The following C14orf93 variants were observed in gnomAD, a reference collection of about 807,000 sequenced individuals.
C14orf93 encodes chromosome 14 open reading frame 93, also known as uncharacterized protein C14orf93.
In C14orf93, 23 loss-of-function variants were observed where a neutral mutation model predicts 44.0. The observed-to-expected ratio is 0.52, with a 90% CI of 0.38 to 0.74. C14orf93 has a LOEUF of 0.74. Among genes scored for constraint, C14orf93 ranks in the 30% least tolerant of loss-of-function variants. The pLI is 0.00. For synonymous variants in C14orf93, 253 were observed against 265.7 expected (o/e 0.95, Z 0.46); for missense variants, 579 against 678.9 (o/e 0.85, Z 1.64).
At position 22,986,704 on chromosome 14, in the gene C14orf93, G is replaced by C. The variant is rs1389158168; in HGVS notation, c.*511C>G. 1 of 158,488 alleles carries C rather than the reference G, an allele frequency of 6.3e-6. No individual in the cohort carries two copies. The highest frequency in any genetic ancestry group is 1.4e-5 in the Non-Finnish European group (1 of 71,330). The allele number at this position is 158,488 out of a possible 1,614,324, so 9.8% of individuals were successfully genotyped here. ...ATTCCCCAATAGTGATAGAACTTGT[G>C]TTCCCTTGGTCAGAAGACTCAAGCT... On this transcript the variant is annotated 3_prime_UTR_variant, in exon 7 of 7. Coordinates refer to ENST00000299088, the MANE Select transcript of C14orf93 (RefSeq NM_021944.4).
At chr14:22,992,478 A>G (rs902852869) in intron 3 of C14orf93, among the ~76,000 whole-genome samples, 16 of 151,288 alleles carry the variant, frequency 1.1e-4, no homozygotes, top group East Asian at 3.9e-4. Flanking sequence ...AAAAAAAAAA[A>G]AAAGAAAGAA....
At chr14:23,001,612 G>A (rs1308999277) in intron 1 of C14orf93, among the ~76,000 whole-genome samples, 3 of 151,880 alleles carry the variant, frequency 2.0e-5, no homozygotes, top group South Asian at 2.1e-4. Context: ...TCACAGACAC[G>A]TGCCACCACA....
intron 1 of C14orf93, among the ~76,000 whole-genome samples, chr14:23,004,764 C>A (rs2046543327): frequency 6.6e-6 from 1 of 151,714 alleles, no homozygotes; most frequent in South Asian, 2.1e-4. Flanking sequence ...ACTAAAAATA[C>A]AAAATTAGCT....
chr14:23,002,682 T>C (rs1442440767), intron 1 of C14orf93: 1 of 152,122 alleles, frequency 6.6e-6, no homozygotes, highest in African/African-American at 2.4e-5. Context: ...TCCTGTAACA[T>C]TTTGTGTTCC....
chr14:22,993,172 A>G (rs1294799183), intron 3 of C14orf93, among the ~76,000 whole-genome samples: 1 of 152,144 alleles, frequency 6.6e-6, no homozygotes, highest in Non-Finnish European at 1.5e-5. Flanking sequence ...GAGCCACCGC[A>G]CCCGGCCCTA....
chr14:22,998,297 G>A lies in C14orf93; in HGVS notation c.597+130C>T, dbSNP rs192133098. 2,558 of 1,247,796 alleles carry A rather than the reference G, an allele frequency of 2.1e-3. 6 individuals are homozygous for A. The highest frequency in any genetic ancestry group is 2.4e-3 in the Non-Finnish European group (2,296 of 938,170). The allele number at this position is 1,247,796 out of a possible 1,614,324, so 77.3% of individuals were successfully genotyped here. ...GACTATCCCTGAAGGAAAAGGAAACGTGGTACTGTTTTGCTTTATCACAAA... is the reference window on the plus strand; with the variant it reads ...GACTATCCCTGAAGGAAAAGGAAACATGGTACTGTTTTGCTTTATCACAAA... On this transcript the variant is annotated intron_variant, in intron 2 of 6. Coordinates refer to ENST00000299088, the MANE Select transcript of C14orf93 (RefSeq NM_021944.4).
intron 3 of C14orf93, among the ~76,000 whole-genome samples, chr14:22,994,599 A>T (rs2045859888): frequency 6.6e-6 from 1 of 151,864 alleles, no homozygotes; most frequent in African/African-American, 2.4e-5. Context: ...ATGGTGGTGC[A>T]TGCCTGTAAT....
At chr14:22,993,661 A>G (rs984367548) in intron 3 of C14orf93, 1 of 152,242 alleles carries the variant, frequency 6.6e-6, no homozygotes, top group Non-Finnish European at 1.5e-5. Flanking sequence ...ATGGAAAGGG[A>G]AAATACTCTA....
chr14:22,993,535 G>A (rs2045787970), intron 3 of C14orf93, among the ~76,000 whole-genome samples: 1 of 152,012 alleles, frequency 6.6e-6, no homozygotes, highest in African/African-American at 2.4e-5. Context: ...AAAGTATTTG[G>A]GAGAGTTTCA....
At chr14:23,009,854 A>G (rs567320300) in intron 1 of C14orf93, among the ~76,000 whole-genome samples, 1 of 152,264 alleles carries the variant, frequency 6.6e-6, no homozygotes, top group African/African-American at 2.4e-5. Context: ...TTTAAAAAAA[A>G]GAAAAAAAAA....
At chr14:22,988,532 G>C (rs1428918150) in intron 5 of C14orf93, among the ~76,000 whole-genome samples, 1 of 152,002 alleles carries the variant, frequency 6.6e-6, no homozygotes, top group South Asian at 2.1e-4. Flanking sequence ...ACAGGGTCTC[G>C]CTCTGTCACC....
At chr14:23,001,661 C>T (rs1417236062) in intron 1 of C14orf93, among the ~76,000 whole-genome samples, 2 of 151,436 alleles carry the variant, frequency 1.3e-5, no homozygotes, top group African/African-American at 2.4e-5. Flanking sequence ...GACAGGGTTT[C>T]GCGCTGTTGG....
At chr14:22,990,592 C>T (rs1250840839) in intron 3 of C14orf93, among the ~76,000 whole-genome samples, 2 of 151,492 alleles carry the variant, frequency 1.3e-5, no homozygotes, top group East Asian at 3.9e-4. Context: ...GCCTCAGCCT[C>T]TCGAGTAGCT....
chr14:22,998,367 A>G (rs2046115874), intron 2 of C14orf93, 60 bp downstream of exon 2: 1 of 1,441,790 alleles, frequency 6.9e-7, no homozygotes, highest in South Asian at 1.5e-5. Context: ...ACAGAAAGGA[A>G]AAAGAGTGAA....
chr14:22,999,392 C>T lies in C14orf93; in HGVS notation c.-369G>A, dbSNP rs969279724. 15 of 184,406 alleles carry T rather than the reference C, an allele frequency of 8.1e-5. No homozygotes were observed. Among genetic ancestry groups the T allele is most frequent in the African/African-American group, 3.5e-4 (15 of 42,506 alleles). The allele number at this position is 184,406 out of a possible 1,614,324, so 11.4% of individuals were successfully genotyped here. On this transcript the variant is annotated 5_prime_UTR_variant, in exon 2 of 7. Coordinates refer to ENST00000299088, the MANE Select transcript of C14orf93 (RefSeq NM_021944.4). ...GGAACAGGGAAGGGATTCAGAAGGA[C>T]CTTCCGGCATCTGGAAAGATTAGAA... is the stretch of plus-strand genomic sequence containing the variant.
At chr14:22,997,940 C>T (rs769494556) in intron 2 of C14orf93, among the ~76,000 whole-genome samples, 2 of 151,948 alleles carry the variant, frequency 1.3e-5, no homozygotes, top group Non-Finnish European at 2.9e-5. Context: ...CTCTTTCCCT[C>T]CCTATACTTG....
In C14orf93 at chr14:22,986,995, AT is replaced by A; in HGVS notation, c.*219del. ...ACTGTTTATGCTGAGGAATAAGCAT[AT>A]TCTGGCTTACTGTTCACAGTGGAGG... On this transcript the variant is annotated 3_prime_UTR_variant, in exon 7 of 7. Coordinates refer to ENST00000299088, the MANE Select transcript of C14orf93 (RefSeq NM_021944.4). 1 of 586,800 alleles carries A rather than the reference AT, an allele frequency of 1.7e-6. No homozygotes were observed. The highest frequency in any genetic ancestry group is 2.1e-5 in the South Asian group (1 of 47,146). The allele number at this position is 586,800 out of a possible 1,614,324, so 36.3% of individuals were successfully genotyped here. A position where few individuals can be genotyped will look rare whatever the true frequency, so the allele number is the denominator to read the frequency against.
rs936039240 is a variant in C14orf93 at position 22,994,746 on chromosome 14, A to G, written c.918+1202T>C. On this transcript the variant is annotated intron_variant, in intron 3 of 6. Coordinates refer to ENST00000299088, the MANE Select transcript of C14orf93 (RefSeq NM_021944.4). ...CTGTCTCAAGAAAGAAAAAAAAAAA[A>G]AAGAAGTTTTTGGGTACAGAGTTGA... is the stretch of plus-strand genomic sequence containing the variant. Among the ~76,000 whole-genome samples the G allele has an allele frequency of 4.6e-5, 7 of 152,044 alleles. No individual in the cohort carries two copies. The East Asian group carries it at 5.8e-4, about 13-fold the overall frequency.
chr14:22,998,501 G>A lies in C14orf93; in HGVS notation c.523C>T (p.Pro175Ser). ...AGCCGCATGTCCCTCTGAGTTGCTG[G>A]GAAGCCCAAAGGCCCAGGCCCCACT... Reference protein sequence around the residue: ...ASVGPGPLGFPATQRDMRLPG... With the variant: ...ASVGPGPLGFSATQRDMRLPG... Residue 175 changes from proline (P) to serine (S), a missense_variant, in exon 2 of 7, where the codon CCA (proline) becomes TCA (serine). Pro to Ser is a moderately conservative substitution (Grantham distance 74). Transcript: ENST00000299088. The A allele has an allele frequency of 1.2e-6, 2 of 1,612,176 alleles. No homozygotes were observed. Among genetic ancestry groups the A allele is most frequent in the Non-Finnish European group, 1.7e-6 (2 of 1,179,544 alleles).
Sources: gnomAD v4.1 joint callset for allele counts (sites outside exome capture counted in the v4.1 genomes callset) on GRCh38, gnomAD v4.1.1 for gene constraint, MANE v1.5 for transcripts, NCBI Gene and HGNC (gene_info 2026-07-23, HGNC 2026-07-21) for gene names.